LAYN: variants seen among roughly 807,000 people sequenced by gnomAD.
LAYN encodes layilin.
LAYN carries 38 observed loss-of-function variants against 43.6 expected under a neutral mutation model. That is an observed-to-expected ratio of 0.87 (90% CI 0.67 to 1.14). LAYN has a LOEUF of 1.14. Ranked by LOEUF, LAYN falls within the 50% of genes most tolerant of loss-of-function variation. LAYN has a pLI of 0.00. For missense variants in LAYN, 479 were observed against 463.8 expected (o/e 1.03, Z -0.30); for synonymous variants, 168 against 172.9 (o/e 0.97, Z 0.22).
intron 6 of LAYN, among the ~76,000 whole-genome samples, chr11:111,558,021 G>T (rs1181860081): frequency 6.6e-6 from 1 of 152,158 alleles, no homozygotes; most frequent in Non-Finnish European, 1.5e-5. Context: ...TATGAAAAAT[G>T]ACTGCTGCAA....
intron 1 of LAYN, among the ~76,000 whole-genome samples, chr11:111,542,387 T>C (rs1341801961): frequency 6.6e-6 from 1 of 152,230 alleles, no homozygotes; most frequent in Admixed American, 6.5e-5. Context: ...TCTTATAACT[T>C]GTTGCTCATT....
At chr11:111,541,022 C>A in intron 1 of LAYN, 94 bp downstream of exon 1, 1 of 1,179,082 alleles carries the variant, frequency 8.5e-7, no homozygotes, top group Non-Finnish European at 1.2e-6. Flanking sequence ...ACGTATGGGA[C>A]TAGAAGGCCG....
In LAYN at chr11:111,557,522, G is replaced by T. The variant is rs1867867832; in HGVS notation, c.659-19G>T. ...ACAAAAAACAGCCAATGCTGATCAT[G>T]TGCTTTCTTTCTTTTCAGAAGCTGC... is the stretch of plus-strand genomic sequence containing the variant. On this transcript the variant is annotated intron_variant, in intron 5 of 6. Transcript: ENST00000375614. 6.3e-7 allele frequency: 1 copy of T among 1,592,224 alleles called. No homozygotes were observed. Among genetic ancestry groups the T allele is most frequent in the Middle Eastern group, 1.7e-4 (1 of 6,018 alleles).
upstream of LAYN, chr11:111,540,515 G>A (rs566604111): frequency 2.5e-6 from 1 of 407,810 alleles, no homozygotes; most frequent in African/African-American, 2.1e-5. Context: ...GGCAAACGCG[G>A]GATCTCCCAG....
intron 2 of LAYN, among the ~76,000 whole-genome samples, chr11:111,546,180 G>A (rs990347229): frequency 2.0e-5 from 3 of 151,996 alleles, no homozygotes; most frequent in Admixed American, 2.0e-4. Context: ...ATGTTTCCTG[G>A]TGGTCTTTAA....
intron 3 of LAYN, among the ~76,000 whole-genome samples, chr11:111,553,755 T>TACACACACACACACAC (rs1565271662): frequency 1.9e-5 from 2 of 104,072 alleles, no homozygotes; most frequent in African/African-American, 6.6e-5. Context: ...CACACACACT[T>TACACACACACACACAC]ATGGGAAGAT....
At chr11:111,542,755 G>C (rs1325277549) in intron 1 of LAYN, among the ~76,000 whole-genome samples, 1 of 152,220 alleles carries the variant, frequency 6.6e-6, no homozygotes, top group East Asian at 1.9e-4. Context: ...TTTTCACTTT[G>C]AACATTTGAA....
chr11:111,560,570 C>G lies in LAYN; in HGVS notation c.*112C>G. The G allele has an allele frequency of 8.2e-7, 1 of 1,222,646 alleles. No homozygotes were observed. The highest frequency in any genetic ancestry group is 1.1e-6 in the Non-Finnish European group (1 of 890,778). 75.7% of individuals were successfully genotyped at this position (1,222,646 alleles called of 1,614,324 possible). A position where few individuals can be genotyped will look rare whatever the true frequency, so the allele number is the denominator to read the frequency against. Reference sequence around the variant, plus strand: ...GTCTATGAACAAGCTTAGATCAGGTCCTGTGGATGAGCATGTGGTCCCCAC... The same window carrying G: ...GTCTATGAACAAGCTTAGATCAGGTGCTGTGGATGAGCATGTGGTCCCCAC... On this transcript the variant is annotated 3_prime_UTR_variant, in exon 7 of 7. Coordinates refer to ENST00000375614, the MANE Select transcript of LAYN (RefSeq NM_178834.5).
At chr11:111,559,429 T>C (rs917333984) in intron 6 of LAYN, among the ~76,000 whole-genome samples, 1 of 151,920 alleles carries the variant, frequency 6.6e-6, no homozygotes, top group Non-Finnish European at 1.5e-5. Context: ...TTTTTTGTTG[T>C]TTTGGTTTTA....
chr11:111,552,966 G>C (rs1867768673), intron 3 of LAYN, among the ~76,000 whole-genome samples: 2 of 152,154 alleles, frequency 1.3e-5, no homozygotes, highest in African/African-American at 4.8e-5. Context: ...TCAGCTGTGA[G>C]ATTTGGGCAA....
rs17852272 is a variant in LAYN at position 111,540,870 on chromosome 11, C to A, written c.27C>A (p.Ala9=). 1.0e-5 allele frequency: 16 copies of A among 1,531,902 alleles called. No individual in the cohort carries two copies. Among genetic ancestry groups the A allele is most frequent in the African/African-American group, 1.4e-5 (1 of 72,806 alleles). The allele number at this position is 1,531,902 out of a possible 1,614,324, so 94.9% of individuals were successfully genotyped here. The part of the protein sequence containing the change: MRPGTALQ[A]VLLAVLLVGL... ...TGAGGCCGGGAACCGCGCTACAGGC[C>A]GTGCTGCTGGCCGTGCTGCTGGTGG... The change falls in exon 1 of 7, where the codon GCC becomes GCA. Residue 9 remains alanine, a synonymous_variant. Coordinates refer to ENST00000375614, the MANE Select transcript of LAYN (RefSeq NM_178834.5).
intron 2 of LAYN, among the ~76,000 whole-genome samples, chr11:111,544,709 C>T (rs1426368299): frequency 6.6e-6 from 1 of 152,150 alleles, no homozygotes; most frequent in Non-Finnish European, 1.5e-5. Flanking sequence ...CACTCATCCC[C>T]TACCCTGGAA....
Position 111,540,754 on chromosome 11 carries a change from C to G in LAYN, c.-90C>G. The G allele has an allele frequency of 7.8e-7, 1 of 1,284,590 alleles. No individual in the cohort carries two copies. The highest frequency in any genetic ancestry group is 1.0e-6 in the Non-Finnish European group (1 of 958,264). 79.6% of individuals were successfully genotyped at this position (1,284,590 alleles called of 1,614,324 possible). On this transcript the variant is annotated 5_prime_UTR_variant, in exon 1 of 7. Transcript: ENST00000375614. ...GTCGGTGGCCTAGAGATGCTGCTGC[C>G]GCGGTTGCAGTTGTCGCGCACGCCT...
Position 111,541,337 on chromosome 11 carries a change from C to G in LAYN, c.85+409C>G, listed in dbSNP as rs550093212. 5.6e-5 allele frequency: 34 copies of G among 609,116 alleles called. No homozygotes were observed. In the African/African-American group the frequency reaches 5.7e-4, roughly 10 times the overall value. The allele number at this position is 609,116 out of a possible 1,614,324, so 37.7% of individuals were successfully genotyped here. A position where few individuals can be genotyped will look rare whatever the true frequency, so the allele number is the denominator to read the frequency against. On this transcript the variant is annotated intron_variant, in intron 1 of 6. Transcript: ENST00000375614. ...AGCTGGCCCCCGCCTACCGCCCGCT[C>G]CGGGAGGCGGCCGCAGAGACAGCGG...
intron 3 of LAYN, chr11:111,551,379 A>T (rs1867741787): frequency 1.1e-5 from 5 of 456,166 alleles, no homozygotes; most frequent in Non-Finnish European, 1.8e-5. Flanking sequence ...CCCCATTGAA[A>T]CAGTTTATAG....
At chr11:111,545,359 G>A (rs1055160100) in intron 2 of LAYN, among the ~76,000 whole-genome samples, 1 of 152,116 alleles carries the variant, frequency 6.6e-6, no homozygotes, top group African/African-American at 2.4e-5. Flanking sequence ...TTGACCTTGT[G>A]GCATGATCCA....
chr11:111,552,121 A>G (rs1472486919), intron 3 of LAYN, among the ~76,000 whole-genome samples: 1 of 152,180 alleles, frequency 6.6e-6, no homozygotes, highest in Non-Finnish European at 1.5e-5. Context: ...AGTAAATGAA[A>G]TGTGATGAAA....
intron 1 of LAYN, among the ~76,000 whole-genome samples, chr11:111,542,373 G>C (rs117707218): frequency 0.016 from 2,504 of 152,292 alleles, 37 homozygotes; most frequent in Middle Eastern, 0.048. Flanking sequence ...AGAAGATGTG[G>C]AACTCTTATA....
rs79285654 is a variant in LAYN at position 111,555,425 on chromosome 11, G to A, written c.658+135G>A. ...AACTAGACAGGGCATGTGTGGCTTT[G>A]CAAAAGCTGTACTAAATGCTAGGTT... is the stretch of plus-strand genomic sequence containing the variant. On this transcript the variant is annotated intron_variant, in intron 5 of 6. Coordinates refer to ENST00000375614, the MANE Select transcript of LAYN (RefSeq NM_178834.5). The A allele has an allele frequency of 2.5e-3, 1,596 of 634,164 alleles. 30 individuals carry two copies. In the African/African-American group the frequency reaches 0.026, roughly 10 times the overall value. 39.3% of individuals were successfully genotyped at this position (634,164 alleles called of 1,614,324 possible).
Sources: gnomAD v4.1 joint callset for allele counts (sites outside exome capture counted in the v4.1 genomes callset) on GRCh38, gnomAD v4.1.1 for gene constraint, MANE v1.5 for transcripts, NCBI Gene and HGNC (gene_info 2026-07-23, HGNC 2026-07-21) for gene names.